DAB2IP: variants seen among roughly 807,000 people sequenced by gnomAD.
DAB2IP encodes DAB2 interacting protein, also known as disabled homolog 2-interacting protein.
In DAB2IP, 28 loss-of-function variants were observed where a neutral mutation model predicts 107.2. The ratio of observed to expected loss-of-function variants is 0.26; its 90% CI spans 0.19 to 0.36. The LOEUF (loss-of-function observed/expected upper bound fraction) is 0.36, where lower values mean the gene tolerates loss of function less well. Ranked by LOEUF, DAB2IP falls within the 10% of genes least tolerant of loss-of-function variation. The pLI, the probability that DAB2IP is intolerant of heterozygous loss-of-function variation, is 1.00. For synonymous variants in DAB2IP, 755 were observed against 706.4 expected, an observed-to-expected ratio of 1.07 and a Z score of -1.09; for missense variants, 1,400 against 1,644.7, an observed-to-expected ratio of 0.85 and a Z score of 2.57.
At position 121,652,843 on chromosome 9, in the gene DAB2IP, C is replaced by T. The variant is rs558530518; in HGVS notation, c.124+944C>T. On this transcript the variant is annotated intron_variant, in intron 1 of 15. Coordinates refer to ENST00000408936, the Ensembl canonical transcript of DAB2IP. ...TGACCTGGGCTGAGCTGCCTCTGAA[C>T]TTCAGTTTTCTTGTCGGTGTGAGGG... Among the ~76,000 whole-genome samples the T allele has an allele frequency of 4.6e-5, 7 of 152,290 alleles. No individual in the cohort carries two copies. In the South Asian group the frequency reaches 1.5e-3, roughly 32 times the overall value.
intron 1 of DAB2IP, among the ~76,000 whole-genome samples, chr9:121,597,210 T>C (rs183601570): frequency 6.6e-6 from 1 of 152,364 alleles, no homozygotes; most frequent in East Asian, 1.9e-4. Flanking sequence ...TTTTGAGGTC[T>C]TCTTTAAGAC....
rs1186370994 is a variant in DAB2IP at position 121,702,796 on chromosome 9, C to T, written c.362+3338C>T. Among the ~76,000 whole-genome samples the T allele has an allele frequency of 1.3e-5, 2 of 152,108 alleles. No individual in the cohort carries two copies. The highest frequency in any genetic ancestry group is 2.9e-5 in the Non-Finnish European group (2 of 68,028). ...AGGAGGGTCAGTTGGCAATATTATG[C>T]TTTCCTCATTCCTTCTCTCTCCTGA... On this transcript the variant is annotated intron_variant, in intron 3 of 15. Coordinates refer to ENST00000408936, the Ensembl canonical transcript of DAB2IP. This position sits in a 1 kb window ranked among gnomAD's most constrained non-coding sequence, Gnocchi z 4.5.
rs549438966 is a variant in DAB2IP at position 121,589,504 on chromosome 9, C to G, written c.40+22276C>G. 3.3e-4 allele frequency among the ~76,000 whole-genome samples: 51 copies of G among 152,242 alleles called. 1 individual carries two copies. The South Asian group carries it at 9.1e-3, about 27-fold the overall frequency. ...AAGCCTTTCCTGGAGCCATTCCTGC[C>G]CCGCTCCCAAGGCTGGTAGCAGAGC... On this transcript the variant is annotated intron_variant, in intron 1 of 16. Coordinates refer to the DAB2IP transcript ENST00000259371.
At chr9:121,703,191 G>A (rs1041988438) in intron 3 of DAB2IP, among the ~76,000 whole-genome samples, 4 of 152,220 alleles carry the variant, frequency 2.6e-5, no homozygotes, top group Admixed American at 2.0e-4. Flanking sequence ...TGGGTAGGCA[G>A]GAATCAATTC....
At chr9:121,748,150 C>T (rs755705270) in intron 3 of DAB2IP, among the ~76,000 whole-genome samples, 62 of 152,234 alleles carry the variant, frequency 4.1e-4, no homozygotes, top group East Asian at 7.7e-4. Flanking sequence ...AGGGAGTTGA[C>T]GTAGGGTTTT....
intron 10 of DAB2IP, among the ~76,000 whole-genome samples, 158 bp from the exon 11 acceptor site, chr9:121,770,388 C>T (rs1407909461): frequency 1.3e-5 from 2 of 152,208 alleles, no homozygotes; most frequent in Non-Finnish European, 2.9e-5. Context: ...TTCCTGGGCT[C>T]ACCCCCCTCC....
chr9:121,587,860 C>T (rs1169504169), intron 1 of DAB2IP, among the ~76,000 whole-genome samples: 2 of 151,992 alleles, frequency 1.3e-5, no homozygotes, highest in Non-Finnish European at 2.9e-5. Flanking sequence ...ATAAGTGTGT[C>T]CCAAATATTG....
intron 3 of DAB2IP, among the ~76,000 whole-genome samples, chr9:121,726,087 C>T (rs1345090254): frequency 6.6e-6 from 1 of 152,188 alleles, no homozygotes; most frequent in African/African-American, 2.4e-5. Context: ...TAGGTGGCTT[C>T]AGAAAGGGGT....
chr9:121,585,934 C>G (rs556587849), intron 1 of DAB2IP, among the ~76,000 whole-genome samples: 2 of 152,156 alleles, frequency 1.3e-5, no homozygotes, highest in African/African-American at 4.8e-5. Flanking sequence ...TAACTTGACC[C>G]GATCCTAACC....
intron 1 of DAB2IP, among the ~76,000 whole-genome samples, chr9:121,569,209 C>T (rs1288029646): frequency 6.6e-6 from 1 of 152,232 alleles, no homozygotes; most frequent in Non-Finnish European, 1.5e-5. Context: ...CTCAGTGAGT[C>T]ACTTCCCCAG....
At chr9:121,647,689 C>G (rs1832584276), upstream of DAB2IP, among the ~76,000 whole-genome samples, 1 of 152,040 alleles carries the variant, frequency 6.6e-6, no homozygotes, top group Non-Finnish European at 1.5e-5. Flanking sequence ...GGGTGTCTCT[C>G]CTTGGAGTCA....
At chr9:121,755,404 TC>T (rs1833410638) in intron 3 of DAB2IP, among the ~76,000 whole-genome samples, 2 of 152,260 alleles carry the variant, frequency 1.3e-5, no homozygotes, top group Non-Finnish European at 2.9e-5. Context: ...TGGGGAGGGT[TC>T]CCCCCTGTCT....
intron 3 of DAB2IP, among the ~76,000 whole-genome samples, chr9:121,717,105 C>G (rs1188942261): frequency 1.8e-4 from 28 of 152,160 alleles, no homozygotes; most frequent in Admixed American, 1.8e-3. Flanking sequence ...GAATCTTGCC[C>G]TCAGAGAAGC....
intron 3 of DAB2IP, among the ~76,000 whole-genome samples, chr9:121,723,806 A>G (rs114154739): frequency 0.012 from 1,817 of 152,256 alleles, 35 homozygotes; most frequent in African/African-American, 0.041. Flanking sequence ...AGATTTGTCT[A>G]CTTAGGCTGG....
At position 121,782,849 on chromosome 9, in the gene DAB2IP, C is replaced by T; in HGVS notation, c.*351C>T. Reference sequence around the variant, plus strand: ...GATCTGGCCGAGTGCATGTGTCCCCCCACACCTGTGCCAGGGAGGGGGCTT... The same window carrying T: ...GATCTGGCCGAGTGCATGTGTCCCCTCACACCTGTGCCAGGGAGGGGGCTT... On this transcript the variant is annotated 3_prime_UTR_variant, in exon 16 of 16. Coordinates refer to ENST00000408936, the Ensembl canonical transcript of DAB2IP. The surrounding 1 kb of genome is among the most constrained non-coding windows in gnomAD (Gnocchi z 6.1). The T allele has an allele frequency of 9.2e-7, 1 of 1,084,714 alleles. No homozygotes were observed. The highest frequency in any genetic ancestry group is 1.1e-6 in the Non-Finnish European group (1 of 892,462). The allele number at this position is 1,084,714 out of a possible 1,614,324, so 67.2% of individuals were successfully genotyped here.
In DAB2IP at chr9:121,759,283, C is replaced by A. The variant is rs538624308; in HGVS notation, c.615+287C>A. On this transcript the variant is annotated intron_variant, in intron 5 of 15. Transcript: ENST00000408936. ...CTTCTGCTGGGACCCCTTGTCCCTA[C>A]TCCCCAGCCCCTGGCTGAGTTCTGC... is the stretch of plus-strand genomic sequence containing the variant. Among the ~76,000 whole-genome samples the A allele has an allele frequency of 2.0e-5, 3 of 152,322 alleles. No homozygotes were observed. The South Asian group carries it at 6.2e-4, about 32-fold the overall frequency.
intron 1 of DAB2IP, among the ~76,000 whole-genome samples, chr9:121,615,984 T>G (rs1311448126): frequency 6.6e-6 from 1 of 152,130 alleles, no homozygotes; most frequent in African/African-American, 2.4e-5. Context: ...AGAGACAGAT[T>G]AACTGCTAAT....
chr9:121,685,264 C>A (rs1377950294), intron 2 of DAB2IP, among the ~76,000 whole-genome samples: 2 of 152,218 alleles, frequency 1.3e-5, no homozygotes, highest in Non-Finnish European at 2.9e-5. Flanking sequence ...GGGGGGCATC[C>A]CCCTTTTCTG....
At chr9:121,737,792 G>GGT (rs1832036492) in intron 3 of DAB2IP, 1 of 984,046 alleles carries the variant, frequency 1.0e-6, no homozygotes, top group South Asian at 4.7e-5. Flanking sequence ...TCTCCAGCCA[G>GGT]GTATGGGGTC....
Sources: gnomAD v4.1 joint callset for allele counts (sites outside exome capture counted in the v4.1 genomes callset) on GRCh38, gnomAD v4.1.1 for gene constraint, Gnocchi (gnomAD v3.1) non-coding constraint, MANE v1.5 for transcripts, NCBI Gene and HGNC (gene_info 2026-07-23, HGNC 2026-07-21) for gene names.